The following BRINP3 variants were observed in gnomAD, a reference collection of about 807,000 sequenced individuals.
BRINP3 encodes the protein BMP/retinoic acid inducible neural specific 3, also known as BMP/retinoic acid-inducible neural-specific protein 3.
A neutral mutation model predicts 71.0 loss-of-function variants in BRINP3; 19 were observed. The observed-to-expected ratio is 0.27, with a 90% confidence interval of 0.19 to 0.39. BRINP3 has a LOEUF of 0.39. Ranked by LOEUF, BRINP3 falls within the 10% of genes least tolerant of loss-of-function variation. The pLI is 1.00. For synonymous variants in BRINP3, 380 were observed against 337.7 expected (o/e 1.13, Z -1.37); for missense variants, 959 against 940.8 (o/e 1.02, Z -0.25).
rs764193319 is a variant in BRINP3 at position 190,098,321 on chromosome 1, A to G, written c.1998T>C (p.Ile666=). Residue 666 remains isoleucine, a synonymous_variant, in exon 8 of 8, where the codon ATT becomes ATC. Transcript: ENST00000367462. ...RNLGYMKINN[I]QVFGYSMHFD... is the part of the protein sequence containing the mutation. ...AGTGCATGCTGTAGCCAAACACTTG[A>G]ATGTTATTGATTTTCATATAGCCCA... The G allele has an allele frequency of 3.1e-6, 5 of 1,614,140 alleles. No individual in the cohort carries two copies. In the East Asian group the frequency reaches 1.1e-4, roughly 36 times the overall value.
chr1:190,477,091 G>A (rs1406665989), intron 1 of BRINP3, among the ~76,000 whole-genome samples: 1 of 152,082 alleles, frequency 6.6e-6, no homozygotes. Flanking sequence ...CTCTCTCTTA[G>A]ATAAACCTAT....
At chr1:190,447,541 AAAAT>A (rs1675309035) in intron 2 of BRINP3, among the ~76,000 whole-genome samples, 1 of 147,152 alleles carries the variant, frequency 6.8e-6, no homozygotes, top group South Asian at 2.1e-4. Flanking sequence ...ATATATATAT[AAAAT>A]ATATATATAT....
At chr1:190,297,002 G>A (rs1664299377) in intron 2 of BRINP3, among the ~76,000 whole-genome samples, 1 of 151,994 alleles carries the variant, frequency 6.6e-6, no homozygotes, top group Non-Finnish European at 1.5e-5. Flanking sequence ...CAGATTTAAT[G>A]TAATTCCTGT....
At chr1:190,203,653 T>C (rs1420029587) in intron 6 of BRINP3, among the ~76,000 whole-genome samples, 1 of 148,348 alleles carries the variant, frequency 6.7e-6, no homozygotes, top group Admixed American at 6.8e-5. Flanking sequence ...TGAACAGATG[T>C]AGTTTCCCCT....
intron 2 of BRINP3, among the ~76,000 whole-genome samples, chr1:190,382,003 G>A (rs1303137126): frequency 6.6e-6 from 1 of 152,140 alleles, no homozygotes. Flanking sequence ...GTGCATGTAC[G>A]AAACAGATAC....
At chr1:190,440,240 G>C (rs1391618634) in intron 2 of BRINP3, among the ~76,000 whole-genome samples, 1 of 151,072 alleles carries the variant, frequency 6.6e-6, no homozygotes, top group African/African-American at 2.4e-5. Context: ...TATTTAAATC[G>C]TTTCTCTTTT....
intron 2 of BRINP3, among the ~76,000 whole-genome samples, chr1:190,400,425 G>T (rs1158735903): frequency 6.6e-6 from 1 of 152,152 alleles, no homozygotes; most frequent in African/African-American, 2.4e-5. Flanking sequence ...AAGAAAAAAA[G>T]TTACTGGGTG....
intron 2 of BRINP3, among the ~76,000 whole-genome samples, chr1:190,412,878 A>T (rs1477478732): frequency 6.6e-6 from 1 of 152,180 alleles, no homozygotes; most frequent in Admixed American, 6.5e-5. Flanking sequence ...GTAATTTAAA[A>T]AATAAAAGTA....
intron 7 of BRINP3, among the ~76,000 whole-genome samples, chr1:190,110,609 A>G (rs1182784802): frequency 6.6e-6 from 1 of 152,160 alleles, no homozygotes; most frequent in African/African-American, 2.4e-5. Context: ...AAGCCAGATG[A>G]CTGTTGGAGT....
At chr1:190,466,324 T>C (rs1268114165) in intron 1 of BRINP3, among the ~76,000 whole-genome samples, 2 of 151,750 alleles carry the variant, frequency 1.3e-5, no homozygotes, top group African/African-American at 4.8e-5. Flanking sequence ...CTGTAATTGC[T>C]CCCAGGCTTA....
intron 7 of BRINP3, among the ~76,000 whole-genome samples, chr1:190,152,015 T>C (rs926411121): frequency 6.6e-6 from 1 of 152,136 alleles, no homozygotes; most frequent in Non-Finnish European, 1.5e-5. Context: ...ATTTCCTAAT[T>C]GTAAAATTTT....
At chr1:190,363,589 A>C in intron 2 of BRINP3, among the ~76,000 whole-genome samples, 1 of 152,116 alleles carries the variant, frequency 6.6e-6, no homozygotes, top group East Asian at 1.9e-4. Context: ...GAGGGGCATA[A>C]CAGGTGAGAT....
Position 190,187,903 on chromosome 1 carries a change from A to ATT in BRINP3, c.962-27015_962-27014dup, listed in dbSNP as rs1339281369. Among the ~76,000 whole-genome samples the ATT allele has an allele frequency of 7.2e-4, 104 of 143,826 alleles. 1 individual carries two copies. Among genetic ancestry groups the ATT allele is most frequent in the African/African-American group, 2.5e-3 (96 of 38,946 alleles). 94.4% of individuals were successfully genotyped at this position (143,826 alleles called of 152,430 possible). On this transcript the variant is annotated intron_variant, in intron 6 of 7. Coordinates refer to ENST00000367462, the MANE Select transcript of BRINP3 (RefSeq NM_199051.3). ...CGTTCAAATTTCAGTTTTTTTTTCTATTTTTTTTGAAAAATCTTATTGATA... is the reference window on the plus strand; with the variant it reads ...CGTTCAAATTTCAGTTTTTTTTTCTATTTTTTTTTTGAAAAATCTTATTGATA...
chr1:190,470,919 AT>A (rs1399706373), intron 1 of BRINP3, among the ~76,000 whole-genome samples: 7 of 151,200 alleles, frequency 4.6e-5, no homozygotes, highest in East Asian at 3.9e-4. Context: ...TTGATTAGTT[AT>A]TTTGAGTATG....
At chr1:190,414,539 A>G (rs1672891469) in intron 2 of BRINP3, among the ~76,000 whole-genome samples, 2 of 152,194 alleles carry the variant, frequency 1.3e-5, no homozygotes, top group Admixed American at 1.3e-4. Flanking sequence ...TTCTTGTTTC[A>G]TGGTTTCACT....
chr1:190,218,316 C>A (rs1656582553), intron 6 of BRINP3, among the ~76,000 whole-genome samples: 1 of 151,924 alleles, frequency 6.6e-6, no homozygotes, highest in Non-Finnish European at 1.5e-5. Context: ...AGTTTGGCTT[C>A]TTTTGTTCAA....
At chr1:190,364,482 A>G (rs1669358504) in intron 2 of BRINP3, among the ~76,000 whole-genome samples, 1 of 152,132 alleles carries the variant, frequency 6.6e-6, no homozygotes, top group South Asian at 2.1e-4. Flanking sequence ...GGAAAGAGAC[A>G]GGAACTTGGC....
intron 2 of BRINP3, among the ~76,000 whole-genome samples, chr1:190,365,474 T>C (rs1238657899): frequency 6.7e-6 from 1 of 150,236 alleles, no homozygotes; most frequent in African/African-American, 2.4e-5. Context: ...TAAACAAATA[T>C]TATAATATTA....
intron 7 of BRINP3, among the ~76,000 whole-genome samples, chr1:190,136,718 T>A (rs1655006729): frequency 6.6e-6 from 1 of 152,114 alleles, no homozygotes; most frequent in Non-Finnish European, 1.5e-5. Context: ...GGGAAGCCAT[T>A]ATTCTTACCT....
Sources: gnomAD v4.1 joint callset for allele counts (sites outside exome capture counted in the v4.1 genomes callset) on GRCh38, gnomAD v4.1.1 for gene constraint, MANE v1.5 for transcripts, NCBI Gene and HGNC (gene_info 2026-07-23, HGNC 2026-07-21) for gene names.